The following SRFBP1 variants were observed in gnomAD, a reference collection of about 807,000 sequenced individuals.
SRFBP1 encodes serum response factor-binding protein 1.
A neutral mutation model predicts 45.5 loss-of-function variants in SRFBP1; 47 were observed. That is an observed-to-expected ratio of 1.03 (90% CI 0.82 to 1.32). The LOEUF is 1.32. Among genes scored for constraint, SRFBP1 ranks in the 40% most tolerant of loss-of-function variants. SRFBP1 has a pLI of 0.00. For synonymous variants in SRFBP1, 203 were observed against 166.3 expected (o/e 1.22, Z -1.70); for missense variants, 621 against 484.6 (o/e 1.28, Z -2.64).
At chr5:122,037,145 G>C (rs1464496350) in intron 2 of SRFBP1, among the ~76,000 whole-genome samples, 1 of 152,084 alleles carries the variant, frequency 6.6e-6, no homozygotes, top group Non-Finnish European at 1.5e-5. Flanking sequence ...TGATCCGCCC[G>C]CCTTGGCCTC....
At chr5:122,049,491 T>G (rs200001415) in intron 2 of SRFBP1, among the ~76,000 whole-genome samples, 44 of 152,100 alleles carry the variant, frequency 2.9e-4, no homozygotes, top group African/African-American at 9.6e-4. Context: ...AACAAGGATA[T>G]CCAGGAATTG....
At chr5:122,071,904 A>G (rs1253068871) in intron 2 of SRFBP1, among the ~76,000 whole-genome samples, 2 of 152,166 alleles carry the variant, frequency 1.3e-5, no homozygotes, top group Non-Finnish European at 2.9e-5. Context: ...AGACAGGCCC[A>G]ACTCAGAAGG....
intron 3 of SRFBP1, among the ~76,000 whole-genome samples, chr5:121,984,916 C>A (rs186497021): frequency 2.0e-5 from 3 of 151,910 alleles, no homozygotes; most frequent in African/African-American, 7.2e-5. Context: ...ATTCAAAAGA[C>A]AGAAGTTTTA....
chr5:121,980,843 T>A (rs1475546554), intron 3 of SRFBP1, among the ~76,000 whole-genome samples: 1 of 152,138 alleles, frequency 6.6e-6, no homozygotes, highest in Non-Finnish European at 1.5e-5. Context: ...TCTGAACACT[T>A]AAGATGTTTA....
chr5:122,049,543 A>T (rs1297046337), intron 2 of SRFBP1, among the ~76,000 whole-genome samples: 1 of 151,474 alleles, frequency 6.6e-6, no homozygotes, highest in African/African-American at 2.4e-5. Flanking sequence ...ACATCTACAG[A>T]ACTCTCCACC....
chr5:122,078,472 C>T (rs1243567455), downstream of SRFBP1: 1 of 153,388 alleles, frequency 6.5e-6, no homozygotes, highest in African/African-American at 2.4e-5. Context: ...GGGGAAAGAA[C>T]AAAACGGAAC....
rs184057574 is a variant in SRFBP1 at position 122,018,433 on chromosome 5, G to A, written c.271-827G>A. Among the ~76,000 whole-genome samples the A allele has an allele frequency of 2.0e-5, 3 of 152,296 alleles. No individual in the cohort carries two copies. The East Asian group carries it at 5.8e-4, about 29-fold the overall frequency. ...AACCACAGGGTGTATTGTGAGTTTT[G>A]AGGGAAAGACAAATAGTGGGAAAGA... On this transcript the variant is annotated intron_variant, in intron 4 of 7. Coordinates refer to ENST00000339397, the MANE Select transcript of SRFBP1 (RefSeq NM_152546.3).
At chr5:121,987,423 A>C (rs1014606138) in intron 3 of SRFBP1, among the ~76,000 whole-genome samples, 4 of 152,192 alleles carry the variant, frequency 2.6e-5, no homozygotes, top group African/African-American at 9.6e-5. Context: ...TTGAAGTTTC[A>C]TCTAGAACTG....
intron 1 of SRFBP1, among the ~76,000 whole-genome samples, chr5:121,966,921 A>G (rs1322008897): frequency 1.3e-5 from 2 of 148,968 alleles, no homozygotes; most frequent in African/African-American, 4.9e-5. Flanking sequence ...CTGGGACTAC[A>G]GGCGTCCACC....
intron 3 of SRFBP1, among the ~76,000 whole-genome samples, chr5:121,992,932 C>T (rs1368294562): frequency 2.6e-5 from 4 of 152,018 alleles, no homozygotes; most frequent in Non-Finnish European, 5.9e-5. Flanking sequence ...CCTGCTATTG[C>T]TATGAGTAAT....
At chr5:122,049,552 C>T (rs1416224197) in intron 2 of SRFBP1, among the ~76,000 whole-genome samples, 4 of 152,172 alleles carry the variant, frequency 2.6e-5, no homozygotes, top group Admixed American at 2.6e-4. Flanking sequence ...GAACTCTCCA[C>T]CCGAAATCAA....
At chr5:121,991,697 C>G (rs1371888876) in intron 3 of SRFBP1, among the ~76,000 whole-genome samples, 1 of 152,150 alleles carries the variant, frequency 6.6e-6, no homozygotes, top group African/African-American at 2.4e-5. Context: ...GTCTTAGTTT[C>G]TCATTGTTTA....
chr5:121,966,606 A>G (rs1752074722), intron 1 of SRFBP1, among the ~76,000 whole-genome samples: 1 of 152,220 alleles, frequency 6.6e-6, no homozygotes, highest in South Asian at 2.1e-4. Context: ...TGCGTAAATA[A>G]TTTGCAAAAC....
chr5:122,062,810 A>T (rs1754195098), intron 2 of SRFBP1, among the ~76,000 whole-genome samples: 1 of 152,002 alleles, frequency 6.6e-6, no homozygotes, highest in Non-Finnish European at 1.5e-5. Context: ...TTAAATAAGG[A>T]TTACTATGAT....
At chr5:121,975,970 A>C (rs1017556770) in intron 3 of SRFBP1, among the ~76,000 whole-genome samples, 1 of 151,916 alleles carries the variant, frequency 6.6e-6, no homozygotes, top group East Asian at 1.9e-4. Flanking sequence ...ACCAAATGAC[A>C]TGACATTAAA....
chr5:122,000,047 A>G (rs1211040798), intron 4 of SRFBP1, among the ~76,000 whole-genome samples: 1 of 152,024 alleles, frequency 6.6e-6, no homozygotes. Context: ...GAGTTAAATG[A>G]GCATCTTATC....
At chr5:121,973,066 A>G (rs952500556) in intron 1 of SRFBP1, among the ~76,000 whole-genome samples, 1 of 151,852 alleles carries the variant, frequency 6.6e-6, no homozygotes, top group Non-Finnish European at 1.5e-5. Context: ...TTAAAGAAAC[A>G]GGATGATGTT....
At chr5:122,049,549 C>G (rs532124022) in intron 2 of SRFBP1, among the ~76,000 whole-genome samples, 1 of 152,248 alleles carries the variant, frequency 6.6e-6, no homozygotes, top group Non-Finnish European at 1.5e-5. Context: ...ACAGAACTCT[C>G]CACCCGAAAT....
chr5:122,077,140 T>G, downstream of SRFBP1: 1 of 1,473,330 alleles, frequency 6.8e-7, no homozygotes, highest in Non-Finnish European at 8.9e-7. This position sits in a 1 kb window ranked among gnomAD's most constrained non-coding sequence, Gnocchi z 4.9. Context: ...GCAAGAGAAC[T>G]GGGGACGCCC....
Sources: gnomAD v4.1 joint callset for allele counts (sites outside exome capture counted in the v4.1 genomes callset) on GRCh38, gnomAD v4.1.1 for gene constraint, Gnocchi (gnomAD v3.1) non-coding constraint, MANE v1.5 for transcripts, NCBI Gene and HGNC (gene_info 2026-07-23, HGNC 2026-07-21) for gene names.